RALYL: variants seen among roughly 807,000 people sequenced by gnomAD.
RALYL encodes RNA-binding Raly-like protein.
RALYL carries 29 observed loss-of-function variants against 35.1 expected under a neutral mutation model. The ratio of observed to expected loss-of-function variants is 0.83; its 90% CI spans 0.61 to 1.13. RALYL has a LOEUF of 1.13. RALYL is among the 50% of genes most tolerant of loss of function. The pLI is 0.00. For synonymous variants in RALYL, 120 were observed against 127.6 expected (o/e 0.94, Z 0.40); for missense variants, 359 against 360.4 (o/e 1.00, Z 0.03).
intron 2 of RALYL, among the ~76,000 whole-genome samples, chr8:84,690,631 A>G (rs1234216182): frequency 1.3e-5 from 2 of 152,116 alleles, no homozygotes; most frequent in African/African-American, 4.8e-5. Flanking sequence ...TTTATCTGTT[A>G]ATTATACTTC....
At chr8:84,251,879 T>C (rs1830264569) in intron 1 of RALYL, among the ~76,000 whole-genome samples, 1 of 152,036 alleles carries the variant, frequency 6.6e-6, no homozygotes, top group South Asian at 2.1e-4. Context: ...GGGGGAAGTT[T>C]TAGAAAGATT....
At chr8:84,504,342 A>G (rs6990171) in intron 1 of RALYL, among the ~76,000 whole-genome samples, 2,474 of 152,174 alleles carry the variant, frequency 0.016, 68 homozygotes, top group African/African-American at 0.056. Flanking sequence ...GGGAATGGGG[A>G]AATTGGTACC....
chr8:84,323,608 T>G (rs566789794), intron 1 of RALYL, among the ~76,000 whole-genome samples: 6 of 152,222 alleles, frequency 3.9e-5, no homozygotes, highest in African/African-American at 1.4e-4. Context: ...CAATGCACAG[T>G]GTTAAACTGG....
At chr8:84,595,608 A>G (rs187271156) in intron 2 of RALYL, among the ~76,000 whole-genome samples, 1 of 152,206 alleles carries the variant, frequency 6.6e-6, no homozygotes. Flanking sequence ...GTTAAACAAA[A>G]TGTTTGAAAC....
chr8:84,425,989 C>T (rs1032801602), intron 1 of RALYL, among the ~76,000 whole-genome samples: 1 of 151,888 alleles, frequency 6.6e-6, no homozygotes, highest in African/African-American at 2.4e-5. Context: ...TGAGGATAAC[C>T]GTTTATCCAT....
chr8:84,262,793 A>T (rs972067912), intron 1 of RALYL, among the ~76,000 whole-genome samples: 2 of 152,180 alleles, frequency 1.3e-5, no homozygotes, highest in Non-Finnish European at 2.9e-5. Context: ...GATCAGAGTG[A>T]AGAATAGTAG....
intron 1 of RALYL, among the ~76,000 whole-genome samples, chr8:84,477,519 A>T (rs783782): frequency 0.038 from 5,706 of 149,760 alleles, 152 homozygotes; most frequent in Middle Eastern, 0.068. Context: ...TATCAAATGT[A>T]TATATATCAA....
At chr8:84,490,507 G>A (rs2055167182) in intron 1 of RALYL, among the ~76,000 whole-genome samples, 1 of 151,844 alleles carries the variant, frequency 6.6e-6, no homozygotes, top group African/African-American at 2.4e-5. Flanking sequence ...GGTTGGAACT[G>A]TTAAAAACTG....
chr8:84,778,272 A>G (rs1817324638), intron 3 of RALYL, among the ~76,000 whole-genome samples: 1 of 152,198 alleles, frequency 6.6e-6, no homozygotes, highest in Admixed American at 6.5e-5. Context: ...CTCCAATACC[A>G]ATCACAAAGT....
intron 2 of RALYL, among the ~76,000 whole-genome samples, chr8:84,669,493 C>A (rs535285768): frequency 2.1e-4 from 13 of 61,950 alleles, no homozygotes; most frequent in African/African-American, 7.9e-4. Context: ...CCCCTCCCCC[C>A]CCCCCCACTC....
intron 1 of RALYL, among the ~76,000 whole-genome samples, chr8:84,403,537 T>TTG (rs2043152411): frequency 7.5e-6 from 1 of 133,862 alleles, no homozygotes; most frequent in Non-Finnish European, 1.5e-5. Context: ...TTTTTTTTTT[T>TTG]TTTTTTTTTT....
intron 2 of RALYL, among the ~76,000 whole-genome samples, chr8:84,684,276 A>AG (rs1836288691): frequency 6.6e-6 from 1 of 152,212 alleles, no homozygotes; most frequent in Non-Finnish European, 1.5e-5. Context: ...ACTTGTGCCA[A>AG]GTTACTGTGC....
intron 1 of RALYL, among the ~76,000 whole-genome samples, chr8:84,463,424 T>G (rs1012334231): frequency 6.6e-6 from 1 of 152,062 alleles, no homozygotes; most frequent in Non-Finnish European, 1.5e-5. Context: ...ATTTTTCAAG[T>G]GTGGAAAATC....
At chr8:84,319,926 G>T (rs1194346113) in intron 1 of RALYL, among the ~76,000 whole-genome samples, 3 of 151,678 alleles carry the variant, frequency 2.0e-5, no homozygotes, top group Non-Finnish European at 4.4e-5. Context: ...AACTAGTTCT[G>T]TTTTCTTCTA....
chr8:84,238,607 G>A (rs1205667351), intron 1 of RALYL, among the ~76,000 whole-genome samples: 2 of 152,100 alleles, frequency 1.3e-5, no homozygotes, highest in Non-Finnish European at 2.9e-5. Flanking sequence ...GGTGAACCTG[G>A]TGAGTAAGAT....
intron 3 of RALYL, among the ~76,000 whole-genome samples, chr8:84,781,359 A>T (rs551214305): frequency 6.6e-6 from 1 of 152,238 alleles, no homozygotes; most frequent in Non-Finnish European, 1.5e-5. Flanking sequence ...TGTTCAAAAA[A>T]GTGCTGACAC....
chr8:84,597,797 TC>T (rs1365631964), intron 2 of RALYL, among the ~76,000 whole-genome samples: 1 of 152,188 alleles, frequency 6.6e-6, no homozygotes, highest in Non-Finnish European at 1.5e-5. Context: ...TTTCTTTATG[TC>T]CTGTCCATGG....
chr8:84,415,543 T>A (rs1284924437), intron 1 of RALYL, among the ~76,000 whole-genome samples: 2 of 108,422 alleles, frequency 1.8e-5, no homozygotes, highest in Admixed American at 1.8e-4. Context: ...CGGCCGACAC[T>A]CTTGTTCATC....
At chr8:84,860,605 T>C (rs949996825) in intron 5 of RALYL, among the ~76,000 whole-genome samples, 1 of 152,238 alleles carries the variant, frequency 6.6e-6, no homozygotes, top group African/African-American at 2.4e-5. Context: ...ATAACCCTTT[T>C]CAGCCTCATC....
Sources: allele counts gnomAD v4.1 joint callset (sites outside exome capture counted in the v4.1 genomes callset), GRCh38; gene constraint gnomAD v4.1.1; transcripts MANE v1.5; gene names NCBI Gene and HGNC (gene_info 2026-07-23, HGNC 2026-07-21).